Variants in MYO9A observed in about 807,000 individuals in gnomAD.
MYO9A encodes the protein unconventional myosin-IXa.
A neutral mutation model predicts 293.3 loss-of-function variants in MYO9A; 103 were observed. That is an observed-to-expected ratio of 0.35 (90% CI 0.30 to 0.41). MYO9A has a LOEUF of 0.41. Ranked by LOEUF, MYO9A falls within the 10% of genes least tolerant of loss-of-function variation. MYO9A has a pLI of 1.00. For missense variants in MYO9A, 2,685 were observed against 3,033.0 expected, an observed-to-expected ratio of 0.89 and a Z score of 2.69; for synonymous variants, 1,001 against 1,035.7, an observed-to-expected ratio of 0.97 and a Z score of 0.64.
chr15:71,966,265 AGTGTGTGTGTGTGTGTGTGTGT>A (rs377708464), intron 13 of MYO9A, among the ~76,000 whole-genome samples: 1 of 134,860 alleles, frequency 7.4e-6, no homozygotes, highest in Non-Finnish European at 1.6e-5. Flanking sequence ...ATCCCAGGCA[AGTGTGTGTGTGTGTGTGTGTGT>A]GTGTGTGTGT....
chr15:72,053,493 G>C (rs2078632133), intron 1 of MYO9A, among the ~76,000 whole-genome samples: 1 of 152,198 alleles, frequency 6.6e-6, no homozygotes, highest in African/African-American at 2.4e-5. Flanking sequence ...AAAAGAATGA[G>C]ATAATGTCCT....
intron 17 of MYO9A, among the ~76,000 whole-genome samples, chr15:71,934,781 CTTTTCTTTTTTTTTTTT>C (rs551490223): frequency 4.0e-3 from 319 of 79,970 alleles, no homozygotes; most frequent in Non-Finnish European, 5.5e-3. Flanking sequence ...TTTTTCTTTT[CTTTTCTTTTTTTTTTTT>C]TTTTTTTTTT....
chr15:72,105,805 C>T (rs1473771087), intron 1 of MYO9A, among the ~76,000 whole-genome samples: 5 of 152,106 alleles, frequency 3.3e-5, no homozygotes, highest in African/African-American at 7.2e-5. Flanking sequence ...CCATGCCCTG[C>T]GGGGAAAGCT....
At chr15:71,920,979 T>G (rs559243945) in intron 18 of MYO9A, among the ~76,000 whole-genome samples, 3 of 152,224 alleles carry the variant, frequency 2.0e-5, no homozygotes, top group African/African-American at 7.2e-5. Context: ...CCCAAGTGAC[T>G]ATAAAAACGT....
intron 9 of MYO9A, among the ~76,000 whole-genome samples, chr15:71,997,340 G>A (rs765875282): frequency 1.3e-5 from 2 of 152,056 alleles, no homozygotes; most frequent in South Asian, 2.1e-4. Flanking sequence ...GGTGGCTCAC[G>A]CCTGTAATCC....
intron 27 of MYO9A, among the ~76,000 whole-genome samples, chr15:71,887,390 C>T (rs928588774): frequency 6.6e-6 from 1 of 152,152 alleles, no homozygotes; most frequent in African/African-American, 2.4e-5. Context: ...CTACCCTCCC[C>T]TGTTCGCCTA....
intron 37 of MYO9A, among the ~76,000 whole-genome samples, chr15:71,850,950 A>G (rs2055621738): frequency 6.6e-6 from 1 of 152,048 alleles, no homozygotes; most frequent in African/African-American, 2.4e-5. Flanking sequence ...GAATTAGGTC[A>G]TTTCAATAGA....
chr15:72,062,977 G>A (rs901979372), intron 1 of MYO9A, among the ~76,000 whole-genome samples: 6 of 152,182 alleles, frequency 3.9e-5, no homozygotes, highest in African/African-American at 1.2e-4. Context: ...AGCCGTGATC[G>A]TGCCACTGCA....
At chr15:71,857,322 A>T (rs1318242511) in intron 34 of MYO9A, among the ~76,000 whole-genome samples, 1 of 152,188 alleles carries the variant, frequency 6.6e-6, no homozygotes, top group Non-Finnish European at 1.5e-5. Flanking sequence ...TTTGTTTCAT[A>T]GTTATTTTTC....
At chr15:71,989,974 C>A (rs2076497129) in intron 11 of MYO9A, among the ~76,000 whole-genome samples, 1 of 151,868 alleles carries the variant, frequency 6.6e-6, no homozygotes, top group Non-Finnish European at 1.5e-5. Flanking sequence ...CACAGTGAGC[C>A]AAGATCACGC....
intron 13 of MYO9A, among the ~76,000 whole-genome samples, chr15:71,962,280 T>C (rs2075765741): frequency 6.6e-6 from 1 of 152,220 alleles, no homozygotes; most frequent in Admixed American, 6.5e-5. Flanking sequence ...TACAGCTTCA[T>C]AGAATATCTC....
chr15:72,102,842 G>A (rs117325347), intron 1 of MYO9A, among the ~76,000 whole-genome samples: 1,810 of 151,680 alleles, frequency 0.012, 15 homozygotes, highest in Non-Finnish European at 0.019. Flanking sequence ...GGCAGCAAAG[G>A]AAAGCAGGAA....
intron 1 of MYO9A, chr15:72,116,781 A>C (rs978470819): frequency 1.3e-5 from 2 of 152,064 alleles, no homozygotes; most frequent in Admixed American, 1.3e-4. Flanking sequence ...GGTCCCTAAA[A>C]CATCAGTGCT....
intron 1 of MYO9A, among the ~76,000 whole-genome samples, chr15:72,110,596 C>A (rs2080746904): frequency 6.6e-6 from 1 of 152,024 alleles, no homozygotes; most frequent in Non-Finnish European, 1.5e-5. Context: ...CATTGACAAA[C>A]AGAACACATT....
intron 18 of MYO9A, among the ~76,000 whole-genome samples, chr15:71,925,943 T>C (rs1242900152): frequency 2.6e-5 from 4 of 152,344 alleles, no homozygotes; most frequent in African/African-American, 9.6e-5. Context: ...GTAGTTATCT[T>C]ACCATATTTC....
chr15:72,077,347 A>G (rs2079385462), intron 1 of MYO9A, among the ~76,000 whole-genome samples: 1 of 152,232 alleles, frequency 6.6e-6, no homozygotes, highest in African/African-American at 2.4e-5. Context: ...CCACAGACTG[A>G]CAGAAAATCT....
At chr15:71,927,705 A>C (rs2058350156) in intron 18 of MYO9A, among the ~76,000 whole-genome samples, 1 of 151,852 alleles carries the variant, frequency 6.6e-6, no homozygotes, top group Non-Finnish European at 1.5e-5. Flanking sequence ...ACCCATGTAT[A>C]AGCGGACCTG....
chr15:72,067,424 C>T (rs1345411402), intron 1 of MYO9A, among the ~76,000 whole-genome samples: 3 of 152,084 alleles, frequency 2.0e-5, no homozygotes, highest in Non-Finnish European at 4.4e-5. Context: ...GCTGGGATTA[C>T]AGGTGCCTGC....
At chr15:71,982,005 A>AC (rs2076284665) in intron 11 of MYO9A, among the ~76,000 whole-genome samples, 1 of 56,258 alleles carries the variant, frequency 1.8e-5, no homozygotes, top group African/African-American at 8.7e-5. Flanking sequence ...CCTATTTAGA[A>AC]TTTTTTTTTT....
Sources: allele counts gnomAD v4.1 joint callset (sites outside exome capture counted in the v4.1 genomes callset), GRCh38; gene constraint gnomAD v4.1.1; transcripts MANE v1.5; gene names NCBI Gene and HGNC (gene_info 2026-07-23, HGNC 2026-07-21).